CERS5: variants seen among roughly 807,000 people sequenced by gnomAD.
CERS5 encodes LAG1 homolog, ceramide synthase 5.
A neutral mutation model predicts 58.9 loss-of-function variants in CERS5; 37 were observed. The ratio of observed to expected loss-of-function variants is 0.63; its 90% CI spans 0.48 to 0.83. The LOEUF (loss-of-function observed/expected upper bound fraction) is 0.83. Ranked by LOEUF, CERS5 falls within the 40% of genes least tolerant of loss-of-function variation. The probability of loss-of-function intolerance (pLI) is 0.00; values close to 1 mark genes in which losing one functional copy is unlikely to be tolerated. For missense variants in CERS5, 398 were observed against 489.3 expected, an observed-to-expected ratio of 0.81 and a Z score of 1.76; for synonymous variants, 147 against 177.8, an observed-to-expected ratio of 0.83 and a Z score of 1.38.
chr12:50,146,674 C>G (rs1952288407), intron 1 of CERS5, among the ~76,000 whole-genome samples: 1 of 151,474 alleles, frequency 6.6e-6, no homozygotes, highest in Non-Finnish European at 1.5e-5. Context: ...GGTGAAACCC[C>G]GTCTCTACTA....
At chr12:50,156,277 G>T (rs369495017) in intron 1 of CERS5, among the ~76,000 whole-genome samples, 1 of 148,442 alleles carries the variant, frequency 6.7e-6, no homozygotes, top group Non-Finnish European at 1.5e-5. Context: ...GGCAGCGTGC[G>T]CCTGTAGTCC....
chr12:50,141,240 CG>C (rs1280359158), intron 4 of CERS5, among the ~76,000 whole-genome samples: 1 of 151,960 alleles, frequency 6.6e-6, no homozygotes, highest in Non-Finnish European at 1.5e-5. Context: ...TTTGTAGAGA[CG>C]GGGTTTCACC....
At chr12:50,148,616 G>C (rs764018886) in intron 1 of CERS5, 8 of 289,454 alleles carry the variant, frequency 2.8e-5, no homozygotes, top group South Asian at 2.1e-4. Flanking sequence ...AAATAAATAG[G>C]CCGGGCGTGG....
chr12:50,149,121 T>C (rs1937654599), intron 1 of CERS5, among the ~76,000 whole-genome samples: 1 of 151,266 alleles, frequency 6.6e-6, no homozygotes, highest in African/African-American at 2.4e-5. Context: ...TGTAAAGGAG[T>C]CCTGAGATCA....
chr12:50,164,431 AAAC>A (rs1231961745), intron 1 of CERS5, among the ~76,000 whole-genome samples: 2 of 152,152 alleles, frequency 1.3e-5, no homozygotes, highest in Non-Finnish European at 2.9e-5. Flanking sequence ...CCTGTCTCAA[AAAC>A]AACAATAAGA....
chr12:50,140,283 A>ATTT (rs1404662241), intron 4 of CERS5, among the ~76,000 whole-genome samples: 33 of 97,238 alleles, frequency 3.4e-4, no homozygotes, highest in African/African-American at 1.5e-3. Flanking sequence ...TTAACTTCCA[A>ATTT]ATTTTTTTTT....
Position 50,167,277 on chromosome 12 carries a change from T to C in CERS5, c.21A>G (p.Gly7=). The change falls in exon 1 of 10, where the codon GGA becomes GGG. Residue 7 remains glycine, a synonymous_variant. Transcript: ENST00000317551. Reference sequence around the variant, plus strand: ...GCCAGCCCCACAGCAAGCTTAGGGGTCCCTGCGCTGCTGTCGCCATCTTAC... The same window carrying C: ...GCCAGCCCCACAGCAAGCTTAGGGGCCCCTGCGCTGCTGTCGCCATCTTAC... The part of the protein sequence containing the change: MATAAQ[G]PLSLLWGWLW... The C allele has an allele frequency of 6.4e-7, 1 of 1,555,704 alleles. No individual in the cohort carries two copies. The highest frequency in any genetic ancestry group is 8.6e-7 in the Non-Finnish European group (1 of 1,158,800).
rs766727382 is a variant in CERS5, at chr12:50,167,138, C to T, written c.160G>A (p.Ala54Thr). The T allele has an allele frequency of 5.7e-6, 9 of 1,580,748 alleles. No homozygotes were observed. Among genetic ancestry groups the T allele is most frequent in the South Asian group, 5.6e-5 (5 of 88,602 alleles). ...AGCCTCACGAAGAAGATGCCCGCCG[C>T]CAGCGGGAACACCGAGAGGATGTGC... is the stretch of plus-strand genomic sequence containing the variant. ...GRHILSVFPL[A>T]AGIFFVRLLF... Residue 54 changes from alanine to threonine, a missense_variant, in exon 1 of 10, where the codon GCG (alanine) becomes ACG (threonine). By Grantham distance (58) the Ala-to-Thr change is moderately conservative. This residue lies in a region of CERS5 where 328 missense variants were observed against 384.5 expected (regional missense o/e 0.85). Transcript: ENST00000317551.
intron 6 of CERS5, among the ~76,000 whole-genome samples, chr12:50,137,223 T>C (rs1287756319): frequency 1.3e-5 from 2 of 152,204 alleles, no homozygotes; most frequent in Non-Finnish European, 2.9e-5. Context: ...TGTCACTATC[T>C]GGGCAAGTCA....
chr12:50,130,435 T>C lies in CERS5; in HGVS notation c.*110A>G, dbSNP rs1169789865. On this transcript the variant is annotated 3_prime_UTR_variant, in exon 10 of 10. Coordinates refer to ENST00000317551, the MANE Select transcript of CERS5 (RefSeq NM_147190.5). ...TATTTGCTTCTTTGATACTCCTCAG[T>C]GCCTTGCAGTCTCCCAATCACAGAA... The C allele has an allele frequency of 6.9e-6, 7 of 1,017,548 alleles. No homozygotes were observed. Among genetic ancestry groups the C allele is most frequent in the Non-Finnish European group, 9.7e-6 (7 of 722,704 alleles). 63.0% of individuals were successfully genotyped at this position (1,017,548 alleles called of 1,614,324 possible).
At position 50,130,185 on chromosome 12, in the gene CERS5, ATAATTCAAGATGCAGC is replaced by A. The variant is rs1242012004; in HGVS notation, c.*344_*359del. Reference sequence around the variant, plus strand: ...AAAGAAGGAGAAGTCTGGAGTTGGCATAATTCAAGATGCAGCCAAATGTGGAACTAAGGTGGGTTCA... The same window carrying A: ...AAAGAAGGAGAAGTCTGGAGTTGGCACAAATGTGGAACTAAGGTGGGTTCA... On this transcript the variant is annotated 3_prime_UTR_variant, in exon 10 of 10. Coordinates refer to ENST00000317551, the MANE Select transcript of CERS5 (RefSeq NM_147190.5). The A allele has an allele frequency of 5.5e-6, 1 of 180,314 alleles. No individual in the cohort carries two copies. Among genetic ancestry groups the A allele is most frequent in the Non-Finnish European group, 1.2e-5 (1 of 86,488 alleles). The allele number at this position is 180,314 out of a possible 1,614,324, so 11.2% of individuals were successfully genotyped here.
At chr12:50,132,135 T>C (rs1448525377) in intron 9 of CERS5, among the ~76,000 whole-genome samples, 1 of 146,894 alleles carries the variant, frequency 6.8e-6, no homozygotes, top group Non-Finnish European at 1.5e-5. Context: ...CATGGTGGCT[T>C]ACGCCTGTAA....
chr12:50,142,679 G>A (rs187340676), intron 3 of CERS5, among the ~76,000 whole-genome samples: 98 of 152,070 alleles, frequency 6.4e-4, no homozygotes, highest in Admixed American at 2.4e-3. Flanking sequence ...AGGATAATGA[G>A]AAAAAGCTCA....
intron 6 of CERS5, among the ~76,000 whole-genome samples, chr12:50,137,343 G>A (rs537331607): frequency 2.6e-4 from 39 of 152,252 alleles, no homozygotes; most frequent in African/African-American, 9.1e-4. Flanking sequence ...AGAACAGAGA[G>A]AGCAAGGGTC....
intron 1 of CERS5, among the ~76,000 whole-genome samples, chr12:50,161,869 C>CTTTT (rs765766688): frequency 0.014 from 912 of 67,340 alleles, 3 homozygotes; most frequent in Non-Finnish European, 0.017. Flanking sequence ...TGTTCTTCTT[C>CTTTT]TTTTTTTTTT....
chr12:50,130,752 C>T (rs1951273075), intron 9 of CERS5, 58 bp from the exon 10 acceptor site: 1 of 1,481,874 alleles, frequency 6.7e-7, no homozygotes, highest in Non-Finnish European at 9.2e-7. Flanking sequence ...GACACCTAAG[C>T]TCAGAGACCC....
At chr12:50,135,871 G>C (rs1286356152) in intron 7 of CERS5, 33 bp from the exon 8 acceptor site, 2 of 1,600,220 alleles carry the variant, frequency 1.2e-6, no homozygotes, top group Non-Finnish European at 1.7e-6. Flanking sequence ...GAGCTGGGGA[G>C]AAAGTCATTC....
intron 1 of CERS5, chr12:50,144,716 A>T: frequency 9.6e-7 from 1 of 1,039,728 alleles, no homozygotes; most frequent in African/African-American, 1.6e-5. Flanking sequence ...TTAGCACTCT[A>T]TCGTAGTCTC....
chr12:50,160,202 G>A (rs1324932165), intron 1 of CERS5, among the ~76,000 whole-genome samples: 2 of 151,700 alleles, frequency 1.3e-5, no homozygotes, highest in Non-Finnish European at 2.9e-5. Context: ...CTACTCAGGA[G>A]GCTGAGGCAG....
Sources: allele counts gnomAD v4.1 joint callset (sites outside exome capture counted in the v4.1 genomes callset), GRCh38; gene constraint gnomAD v4.1.1; regional missense constraint gnomAD v4.1.1; transcripts MANE v1.5; gene names NCBI Gene and HGNC (gene_info 2026-07-23, HGNC 2026-07-21).